Variants in LGI3 observed in about 807,000 individuals in gnomAD.
LGI3 encodes the protein leucine-rich repeat LGI family member 3.
Under a neutral mutation model 55.4 loss-of-function variants are expected in LGI3, and 47 were observed. The ratio of observed to expected loss-of-function variants is 0.85; its 90% CI spans 0.67 to 1.08. The LOEUF is 1.08. LGI3 is among the 50% of genes least tolerant of loss of function. The pLI is 0.00. For synonymous variants in LGI3, 326 were observed against 315.0 expected, an observed-to-expected ratio of 1.04 and a Z score of -0.37; for missense variants, 664 against 726.3, an observed-to-expected ratio of 0.91 and a Z score of 0.99.
At chr8:22,154,831 C>G (rs774668875) in intron 2 of LGI3, 200 bp from the exon 3 acceptor site, 58 of 578,950 alleles carry the variant, frequency 1.0e-4, no homozygotes, top group Non-Finnish European at 1.6e-4. Flanking sequence ...CCCAGGGTCC[C>G]TGTTGGATCC....
rs1348703781 is a variant in LGI3, at chr8:22,156,405, G to A, written c.138C>T (p.Thr46=). 1 of 1,600,136 alleles carries A rather than the reference G, an allele frequency of 6.2e-7. No individual in the cohort carries two copies. Among genetic ancestry groups the A allele is most frequent in the Non-Finnish European group, 8.5e-7 (1 of 1,174,832 alleles). Residue 46 remains threonine, a synonymous_variant, in exon 1 of 8, where the codon ACC becomes ACT. Coordinates refer to ENST00000306317, the MANE Select transcript of LGI3 (RefSeq NM_139278.4). ...AGTCCACGCAGAAGGCGGTGTCCCT[G>A]GTGCAAGAGCAGCTGGGCGGGCAGG... ...TPPCPPSCSC[T]RDTAFCVDSK...
chr8:22,156,624 G>A lies in LGI3; in HGVS notation c.-82C>T. On this transcript the variant is annotated 5_prime_UTR_variant, in exon 1 of 8. Transcript: ENST00000306317. ...GCGGCTGGGCCACCCCGCGCGGGCT[G>A]GCACCTCCCTGCCACCGGCAGCTGC... 2.6e-6 allele frequency: 1 copy of A among 377,822 alleles called. No homozygotes were observed. Among genetic ancestry groups the A allele is most frequent in the Non-Finnish European group, 4.2e-6 (1 of 238,066 alleles). The allele number at this position is 377,822 out of a possible 1,614,324, so 23.4% of individuals were successfully genotyped here.
intron 7 of LGI3, among the ~76,000 whole-genome samples, chr8:22,149,332 C>G (rs539869949): frequency 6.6e-6 from 1 of 152,120 alleles, no homozygotes; most frequent in African/African-American, 2.4e-5. Context: ...CATGTTACAT[C>G]GATGAGGAAT....
chr8:22,156,230 G>A (rs935548238), intron 1 of LGI3, 107 bp downstream of exon 1: 2 of 1,227,088 alleles, frequency 1.6e-6, no homozygotes, highest in Non-Finnish European at 2.3e-6. Context: ...AGTCCCCCTG[G>A]TCCCCGCACT....
At position 22,148,200 on chromosome 8, in the gene LGI3, G is replaced by A. The variant is rs150789268; in HGVS notation, c.1607C>T (p.Thr536Met). 1.2e-4 allele frequency: 201 copies of A among 1,613,194 alleles called. 1 individual carries two copies. In the African/African-American group the frequency reaches 2.2e-3, roughly 18 times the overall value. ...CACCACAATGTGTCTATACACCAGC[G>A]TCTGTCCCTTGAAGCTGGGGGCCAG... ...LLLAPSFKGQ[T>M]LVYRHIVVDL... Residue 536 changes from threonine to methionine, a missense_variant, in exon 8 of 8, where the codon ACG becomes ATG. Thr to Met is a moderately conservative substitution (Grantham distance 81, BLOSUM62 -1). Transcript: ENST00000306317. This position sits in a 1 kb window ranked among gnomAD's most constrained non-coding sequence, Gnocchi z 7.0.
intron 3 of LGI3, 158 bp downstream of exon 3, chr8:22,154,402 T>A (rs1827459378): frequency 1.3e-6 from 1 of 790,652 alleles, no homozygotes; most frequent in African/African-American, 1.7e-5. Flanking sequence ...AACGACCTTC[T>A]GCTCAGGTCC....
chr8:22,150,910 C>T (rs928923329), intron 7 of LGI3, among the ~76,000 whole-genome samples: 2 of 152,054 alleles, frequency 1.3e-5, no homozygotes, highest in Non-Finnish European at 2.9e-5. Context: ...AACCTTATCC[C>T]TTTTCATACA....
intron 2 of LGI3, chr8:22,154,969 G>C (rs1298979149): frequency 1.2e-5 from 5 of 420,716 alleles, no homozygotes; most frequent in Non-Finnish European, 2.2e-5. Context: ...TGTCCCTCAT[G>C]GACGGCATCT....
At chr8:22,155,210 G>A (rs189397765) in intron 2 of LGI3, 182 bp downstream of exon 2, 432 of 630,852 alleles carry the variant, frequency 6.8e-4, no homozygotes, top group Middle Eastern at 1.2e-3. Context: ...CTGCTGCCCC[G>A]ACTCCCCTGA....
intron 7 of LGI3, among the ~76,000 whole-genome samples, chr8:22,150,388 T>TCG (rs1271607894): frequency 7.5e-6 from 1 of 132,968 alleles, no homozygotes; most frequent in African/African-American, 2.9e-5. Flanking sequence ...AGATGGAGTC[T>TCG]CGCTCTGTCA....
At chr8:22,155,527 G>T (rs758330375) in intron 1 of LGI3, 64 bp from the exon 2 acceptor site, 1 of 1,324,010 alleles carries the variant, frequency 7.6e-7, no homozygotes, top group Non-Finnish European at 1.1e-6. Flanking sequence ...AGGGAGAGGT[G>T]AACACGGAGG....
intron 7 of LGI3, 58 bp from the exon 8 acceptor site, chr8:22,149,035 ACCCCCTTG>A (rs1462812830): frequency 2.3e-6 from 3 of 1,307,468 alleles, no homozygotes; most frequent in Admixed American, 2.1e-5. Flanking sequence ...ACTCCATCCA[ACCCCCTTG>A]GAGAAGGCCA....
chr8:22,151,434 C>A (rs893639799), intron 7 of LGI3, 55 bp downstream of exon 7: 123 of 1,547,598 alleles, frequency 7.9e-5, no homozygotes, highest in Middle Eastern at 1.7e-4. Flanking sequence ...AACGATGGAG[C>A]CCACTCCCCC....
chr8:22,152,151 C>A, intron 5 of LGI3, 151 bp from the exon 6 acceptor site: 1 of 618,792 alleles, frequency 1.6e-6, no homozygotes, highest in Non-Finnish European at 2.7e-6. Context: ...GAAAAGTTTC[C>A]CTCTGGCTGG....
At position 22,151,942 on chromosome 8, in the gene LGI3, G is replaced by A; in HGVS notation, c.553C>T (p.Leu185=). ...GCCACCGTGGTGTTGGTGTGTGCCA[G>A]CCACTCCACCAACCACTTCACCTTG... ...DCKVKWLVEW[L]AHTNTTVAPI... is the part of the protein sequence containing the mutation. Residue 185 remains leucine, a synonymous_variant, in exon 6 of 8, where the codon CTG becomes TTG. Transcript: ENST00000306317. 6.2e-7 allele frequency: 1 copy of A among 1,613,070 alleles called. No homozygotes were observed. The highest frequency in any genetic ancestry group is 8.5e-7 in the Non-Finnish European group (1 of 1,179,590).
intron 3 of LGI3, 55 bp downstream of exon 3, chr8:22,154,505 G>A: frequency 1.3e-6 from 2 of 1,522,412 alleles, no homozygotes; most frequent in Non-Finnish European, 9.1e-7. Flanking sequence ...CGGCCTCCCA[G>A]GCCTGGGGTC....
At chr8:22,155,197 C>T in intron 2 of LGI3, 195 bp downstream of exon 2, 1 of 607,828 alleles carries the variant, frequency 1.6e-6, no homozygotes, top group Non-Finnish European at 2.9e-6. Context: ...CCTAGCTGTC[C>T]TCCTGCTGCC....
chr8:22,146,869 T>C lies in LGI3; in HGVS notation c.*1291A>G, dbSNP rs1827306433. 6.6e-6 allele frequency: 1 copy of C among 152,276 alleles called. No homozygotes were observed. Among genetic ancestry groups the C allele is most frequent in the Non-Finnish European group, 1.5e-5 (1 of 68,056 alleles). The allele number at this position is 152,276 out of a possible 1,614,324, so 9.4% of individuals were successfully genotyped here. A position where few individuals can be genotyped will look rare whatever the true frequency, so the allele number is the denominator to read the frequency against. Reference sequence around the variant, plus strand: ...CTTTTTATTTGAAGCAAGTTAATCATAGCATTGCCCCCCAGTACCCTGGTA... The same window carrying C: ...CTTTTTATTTGAAGCAAGTTAATCACAGCATTGCCCCCCAGTACCCTGGTA... On this transcript the variant is annotated 3_prime_UTR_variant, in exon 8 of 8. Transcript: ENST00000306317.
chr8:22,154,122 T>C lies in LGI3; in HGVS notation c.422+20A>G. 1 of 1,610,002 alleles carries C rather than the reference T, an allele frequency of 6.2e-7. No individual in the cohort carries two copies. On this transcript the variant is annotated intron_variant, in intron 4 of 7. Coordinates refer to ENST00000306317, the MANE Select transcript of LGI3 (RefSeq NM_139278.4). Reference sequence around the variant, plus strand: ...AGAGGTGGGGCTTTGGTGCAGTGTGTGTATGTGTGACGTACTCACAGGTGA... The same window carrying C: ...AGAGGTGGGGCTTTGGTGCAGTGTGCGTATGTGTGACGTACTCACAGGTGA...
Sources: allele counts gnomAD v4.1 joint callset (sites outside exome capture counted in the v4.1 genomes callset), GRCh38; gene constraint gnomAD v4.1.1; non-coding constraint Gnocchi (gnomAD v3.1); transcripts MANE v1.5; gene names NCBI Gene and HGNC (gene_info 2026-07-23, HGNC 2026-07-21).